The following GSG1L variants were observed in gnomAD, a reference collection of about 807,000 sequenced individuals.
The protein encoded by GSG1L is GSG1 like.
GSG1L carries 24 observed loss-of-function variants against 42.1 expected under a neutral mutation model. The observed-to-expected ratio is 0.57, with a 90% CI of 0.41 to 0.80. The LOEUF is 0.80. GSG1L is among the 30% of genes least tolerant of loss of function. The probability of loss-of-function intolerance (pLI) is 0.00; values close to 1 mark genes in which losing one functional copy is unlikely to be tolerated. For missense variants in GSG1L, 445 were observed against 472.2 expected (o/e 0.94, Z 0.53); for synonymous variants, 215 against 203.5 (o/e 1.06, Z -0.48).
At chr16:28,037,778 C>T (rs2086057863) in intron 1 of GSG1L, among the ~76,000 whole-genome samples, 1 of 152,206 alleles carries the variant, frequency 6.6e-6, no homozygotes, top group African/African-American at 2.4e-5. Flanking sequence ...CTGGACTCAC[C>T]CATTAGATCC....
intron 1 of GSG1L, among the ~76,000 whole-genome samples, chr16:28,017,958 A>C (rs958477386): frequency 6.6e-6 from 1 of 152,332 alleles, no homozygotes; most frequent in East Asian, 1.9e-4. Context: ...TGGTGAGTAC[A>C]TGGGTATTTT....
At chr16:27,979,665 G>GAAAGAA (rs1567542786) in intron 1 of GSG1L, among the ~76,000 whole-genome samples, 12 of 37,488 alleles carry the variant, frequency 3.2e-4, no homozygotes, top group Non-Finnish European at 4.4e-4. Context: ...GAAAGAAAGA[G>GAAAGAA]AGAGAGAGAG....
chr16:28,052,409 G>A (rs2141195923), intron 1 of GSG1L, among the ~76,000 whole-genome samples: 1 of 152,046 alleles, frequency 6.6e-6, no homozygotes, highest in East Asian at 1.9e-4. Flanking sequence ...GATTACAGAT[G>A]TGTGCCACCC....
chr16:27,990,675 A>C (rs1248190072), intron 1 of GSG1L, among the ~76,000 whole-genome samples: 2 of 152,242 alleles, frequency 1.3e-5, no homozygotes, highest in Non-Finnish European at 2.9e-5. Context: ...CAATTCATAC[A>C]GGTAGTTTAG....
At chr16:27,842,599 CA>C (rs1309697529) in intron 4 of GSG1L, among the ~76,000 whole-genome samples, 1 of 151,914 alleles carries the variant, frequency 6.6e-6, no homozygotes, top group East Asian at 1.9e-4. Context: ...GGAACAGCTG[CA>C]GGGGGAAGGG....
At chr16:28,055,091 C>T (rs976181816) in intron 1 of GSG1L, among the ~76,000 whole-genome samples, 3 of 152,184 alleles carry the variant, frequency 2.0e-5, no homozygotes, top group Non-Finnish European at 4.4e-5. Context: ...TCCAGGAGCC[C>T]AGTGGCCCTG....
intron 3 of GSG1L, among the ~76,000 whole-genome samples, chr16:27,858,856 C>T (rs1261884049): frequency 4.6e-5 from 7 of 152,098 alleles, no homozygotes; most frequent in East Asian, 1.9e-4. Context: ...AGGCAAAGAA[C>T]GGGATATGGA....
intron 2 of GSG1L, among the ~76,000 whole-genome samples, chr16:27,889,755 C>T (rs752401500): frequency 6.6e-6 from 1 of 152,198 alleles, no homozygotes; most frequent in Non-Finnish European, 1.5e-5. Flanking sequence ...CCCTGTCCTA[C>T]AGCTTCAATT....
intron 3 of GSG1L, among the ~76,000 whole-genome samples, chr16:27,859,957 C>T (rs1277491327): frequency 1.3e-5 from 2 of 152,166 alleles, no homozygotes; most frequent in Non-Finnish European, 2.9e-5. Context: ...GCTGGTATTA[C>T]AGACGTGAGC....
chr16:27,935,811 A>G (rs2084709348), intron 2 of GSG1L, among the ~76,000 whole-genome samples: 1 of 149,436 alleles, frequency 6.7e-6, no homozygotes, highest in Non-Finnish European at 1.5e-5. Flanking sequence ...ACAGAACCGG[A>G]CACAAGCATC....
chr16:27,923,387 A>G (rs1596616433), intron 2 of GSG1L, among the ~76,000 whole-genome samples: 1 of 152,218 alleles, frequency 6.6e-6, no homozygotes. Flanking sequence ...GGGCACCCAC[A>G]TGCTAAGAGC....
At chr16:27,812,385 G>C (rs945425234) in intron 5 of GSG1L, among the ~76,000 whole-genome samples, 1 of 152,234 alleles carries the variant, frequency 6.6e-6, no homozygotes, top group East Asian at 1.9e-4. Flanking sequence ...TTGCTGTAAA[G>C]GCTCAGACAG....
At chr16:27,854,448 C>A (rs74013593) in intron 3 of GSG1L, among the ~76,000 whole-genome samples, 2,529 of 152,188 alleles carry the variant, frequency 0.017, 69 homozygotes, top group African/African-American at 0.058. Context: ...CCTAAAAGGC[C>A]GCCGGCCTCC....
Position 28,030,608 on chromosome 16 carries a change from ATT to A in GSG1L, c.349+32466_349+32467del, listed in dbSNP as rs754400795. ...TTTTTCTTCACATAAGCCAGTAAAAATTTGTCTTTTTGCTTGTGCTGGTTTGA... is the reference window on the plus strand; with the variant it reads ...TTTTTCTTCACATAAGCCAGTAAAAATGTCTTTTTGCTTGTGCTGGTTTGA... On this transcript the variant is annotated intron_variant, in intron 1 of 6. Transcript: ENST00000447459. Among the ~76,000 whole-genome samples, 41 of 152,202 alleles carry A rather than the reference ATT, an allele frequency of 2.7e-4. 1 individual carries two copies. Among genetic ancestry groups the A allele is most frequent in the Non-Finnish European group, 5.6e-4 (38 of 68,038 alleles).
At chr16:27,936,345 ACTC>A (rs2084717882) in intron 2 of GSG1L, among the ~76,000 whole-genome samples, 1 of 151,786 alleles carries the variant, frequency 6.6e-6, no homozygotes, top group Non-Finnish European at 1.5e-5. Context: ...ATGGGGGAGG[ACTC>A]CTCATGAATA....
intron 3 of GSG1L, among the ~76,000 whole-genome samples, chr16:27,857,788 C>T (rs1357907816): frequency 1.3e-5 from 2 of 151,910 alleles, no homozygotes; most frequent in Non-Finnish European, 2.9e-5. Context: ...CTCTCCCTAC[C>T]CCCTCTCCAA....
chr16:27,831,330 T>A (rs2083272311), intron 4 of GSG1L, among the ~76,000 whole-genome samples: 1 of 152,060 alleles, frequency 6.6e-6, no homozygotes, highest in Non-Finnish European at 1.5e-5. Context: ...TTTCTTTTTA[T>A]TTTTTTTCCT....
chr16:27,963,462 C>T (rs1269683250), intron 1 of GSG1L, among the ~76,000 whole-genome samples: 1 of 152,148 alleles, frequency 6.6e-6, no homozygotes, highest in Non-Finnish European at 1.5e-5. Flanking sequence ...TCCCTTTCCA[C>T]AGCCTCCCCC....
chr16:28,014,982 C>T (rs963087608), intron 1 of GSG1L, among the ~76,000 whole-genome samples: 6 of 152,188 alleles, frequency 3.9e-5, no homozygotes, highest in Non-Finnish European at 8.8e-5. Context: ...TGAGAGGAGG[C>T]ACTGGTGTAA....
Sources: gnomAD v4.1 joint callset for allele counts (sites outside exome capture counted in the v4.1 genomes callset) on GRCh38, gnomAD v4.1.1 for gene constraint, MANE v1.5 for transcripts, NCBI Gene and HGNC (gene_info 2026-07-23, HGNC 2026-07-21) for gene names.